Variants in GABRD observed in about 807,000 individuals in gnomAD.
GABRD encodes the protein gamma-aminobutyric acid type A receptor subunit delta.
GABRD carries 25 observed loss-of-function variants against 47.3 expected under a neutral mutation model. The ratio of observed to expected loss-of-function variants is 0.53; its 90% confidence interval spans 0.39 to 0.74. The LOEUF is 0.74. Ranked by LOEUF, GABRD falls within the 30% of genes least tolerant of loss-of-function variation. The pLI is 0.00. For synonymous variants in GABRD, 314 were observed against 278.8 expected (o/e 1.13, Z -1.26); for missense variants, 497 against 643.4 (o/e 0.77, Z 2.46).
rs139832451 is a variant in GABRD, at chr1:2,030,099, G to T, written c.1176G>T (p.Arg392Ser). 12 of 1,595,964 alleles carry T rather than the reference G, an allele frequency of 7.5e-6. No homozygotes were observed. Among genetic ancestry groups the T allele is most frequent in the Non-Finnish European group, 9.4e-6 (11 of 1,171,226 alleles). Reference protein sequence around the residue: ...RVPGNLMGSYRSVGVETGETK... With the variant: ...RVPGNLMGSYSSVGVETGETK... ...CGGGGAACCTGATGGGCTCCTACAG[G>T]TCGGTGGGGGTGGAGACAGGGGAGA... is the stretch of plus-strand genomic sequence containing the variant. The change falls in exon 9 of 9, where the codon AGG becomes AGT. Residue 392 changes from arginine (R) to serine (S), a missense_variant. Around this residue, in one of 3 missense-constraint regions of GABRD, gnomAD observed 121 missense variants for 121.3 expected, o/e 1.00. Coordinates refer to ENST00000378585, the MANE Select transcript of GABRD (RefSeq NM_000815.5).
At chr1:2,022,362 C>A (rs570129948) in intron 1 of GABRD, 2 of 151,492 alleles carry the variant, frequency 1.3e-5, no homozygotes, top group African/African-American at 2.4e-5. Context: ...CATCTGTTCA[C>A]GGTGGGAAAA....
Position 2,030,009 on chromosome 1 carries a change from C to T in GABRD, c.1086C>T (p.Leu362=). ...AEMDVRNAIV[L]FSLSAAGVTQ... is the part of the protein sequence containing the mutation. ...TGGACGTGAGGAACGCCATTGTCCT[C>T]TTCTCCCTCTCTGCTGCCGGCGTCA... is the stretch of plus-strand genomic sequence containing the variant. The change falls in exon 9 of 9, where the codon CTC becomes CTT. Residue 362 remains leucine, a synonymous_variant. Coordinates refer to ENST00000378585, the MANE Select transcript of GABRD (RefSeq NM_000815.5). The T allele has an allele frequency of 6.2e-7, 1 of 1,612,752 alleles. No homozygotes were observed. Among genetic ancestry groups the T allele is most frequent in the Non-Finnish European group, 8.5e-7 (1 of 1,179,904 alleles).
Position 2,028,259 on chromosome 1 carries a change from C to A in GABRD, c.658C>A (p.Arg220Ser). The stretch of plus-strand genomic sequence containing the variant: ...GGCGCAGTTCACCATCACCAGCTAC[C>A]GCTTCACCACGGAGCTGATGAACTT... ...QLAQFTITSY[R>S]FTTELMNFKS... Residue 220 changes from arginine to serine, a missense_variant, in exon 6 of 9, where the codon CGC becomes AGC. Around this residue, in one of 3 missense-constraint regions of GABRD, gnomAD observed 285 missense variants for 436.6 expected, o/e 0.65. Transcript: ENST00000378585. This position sits in a 1 kb window ranked among gnomAD's most constrained non-coding sequence, Gnocchi z 6.4. 6.2e-7 allele frequency: 1 copy of A among 1,612,086 alleles called. No homozygotes were observed. The highest frequency in any genetic ancestry group is 1.3e-5 in the African/African-American group (1 of 74,998).
chr1:2,029,910 A>G (rs1659036438), intron 8 of GABRD, 73 bp from the exon 9 acceptor site: 2 of 1,578,596 alleles, frequency 1.3e-6, no homozygotes, highest in South Asian at 2.2e-5. Flanking sequence ...CCGCATGGGA[A>G]CACCTGTGGT....
At chr1:2,027,317 C>T (rs550914931) in intron 4 of GABRD, 30 of 527,262 alleles carry the variant, frequency 5.7e-5, no homozygotes, top group East Asian at 2.4e-4. Flanking sequence ...TCCCCTGCCC[C>T]GTAGGCCCCC....
At chr1:2,025,166 C>T (rs943869590) in intron 2 of GABRD, 112 bp downstream of exon 2, 13 of 1,267,002 alleles carry the variant, frequency 1.0e-5, no homozygotes, top group African/African-American at 5.9e-5. Context: ...GCCTGGCTCT[C>T]CCCTGGGGGG....
intron 4 of GABRD, chr1:2,026,422 C>T (rs1658930807): frequency 6.6e-6 from 1 of 152,368 alleles, no homozygotes; most frequent in African/African-American, 2.4e-5. Context: ...GCTTGGGTGG[C>T]TTCCGGCGTT....
chr1:2,029,082 G>A (rs1449453698), intron 6 of GABRD, 29 bp from the exon 7 acceptor site: 1 of 1,537,826 alleles, frequency 6.5e-7, no homozygotes, highest in South Asian at 1.2e-5. Context: ...GGGCAGGGAT[G>A]GGGGCACTGA....
At chr1:2,025,474 G>A in intron 3 of GABRD, 44 bp from the exon 4 acceptor site, 1 of 1,611,460 alleles carries the variant, frequency 6.2e-7, no homozygotes, top group Non-Finnish European at 8.5e-7. Flanking sequence ...ATGCCCCTGG[G>A]GGTGGAGCAA....
At chr1:2,027,774 C>A (rs941561574) in intron 5 of GABRD, 115 bp downstream of exon 5, 11 of 934,648 alleles carry the variant, frequency 1.2e-5, no homozygotes, top group Non-Finnish European at 1.5e-5. Flanking sequence ...AAGCACCAAA[C>A]CAGCTTCTGC....
intron 5 of GABRD, chr1:2,027,951 C>A: frequency 1.6e-6 from 1 of 622,532 alleles, no homozygotes; most frequent in Non-Finnish European, 2.8e-6. Context: ...CAACGGTGAC[C>A]CCATCTGTGT....
In GABRD at chr1:2,029,222, CCTT is replaced by C. The variant is rs1478441921; in HGVS notation, c.806_808del (p.Phe269del). 3.8e-6 allele frequency: 6 copies of C among 1,574,096 alleles called. No individual in the cohort carries two copies. Among genetic ancestry groups the C allele is most frequent in the South Asian group, 3.5e-5 (3 of 86,120 alleles). ...CTGCTGGTCGCCATGTCCTGGGTCTCCTTCTGGATCAGCCAGGCGGCGGTGCCC... is the reference window on the plus strand; with the variant it reads ...CTGCTGGTCGCCATGTCCTGGGTCTCCTGGATCAGCCAGGCGGCGGTGCCC... On this transcript the variant is annotated inframe_deletion, in exon 7 of 9. Transcript: ENST00000378585.
At position 2,028,704 on chromosome 1, in the gene GABRD, C is replaced by G. The variant is rs966442098; in HGVS notation, c.692-407C>G. ...TTGTCTCCCAGCCCCACTTTCCCACCCCTACGCACCCCGTCCCCGGTCATC... is the reference window on the plus strand; with the variant it reads ...TTGTCTCCCAGCCCCACTTTCCCACGCCTACGCACCCCGTCCCCGGTCATC... On this transcript the variant is annotated intron_variant, in intron 6 of 8. Coordinates refer to ENST00000378585, the MANE Select transcript of GABRD (RefSeq NM_000815.5). This position sits in a 1 kb window ranked among gnomAD's most constrained non-coding sequence, Gnocchi z 6.4. 6.6e-6 allele frequency among the ~76,000 whole-genome samples: 1 copy of G among 152,054 alleles called. No individual in the cohort carries two copies. Among genetic ancestry groups the G allele is most frequent in the African/African-American group, 2.4e-5 (1 of 41,328 alleles).
intron 1 of GABRD, among the ~76,000 whole-genome samples, chr1:2,019,967 C>T (rs1411744080): frequency 1.3e-5 from 2 of 152,190 alleles, no homozygotes; most frequent in East Asian, 1.9e-4. Context: ...CTGGGACGGA[C>T]GGAGGAGGCT....
rs996908287 is a variant in GABRD at position 2,027,572 on chromosome 1, G to T, written c.471-5G>T. On this transcript the variant is annotated splice_region_variant and splice_polypyrimidine_tract_variant and intron_variant, in intron 4 of 8. Coordinates refer to ENST00000378585, the MANE Select transcript of GABRD (RefSeq NM_000815.5). ...AAGGCCTCACTGCCATGCTTGTCTTGGCAGAATCACCTCCACTGTGGCCTG... is the reference window on the plus strand; with the variant it reads ...AAGGCCTCACTGCCATGCTTGTCTTTGCAGAATCACCTCCACTGTGGCCTG... The T allele has an allele frequency of 1.2e-6, 2 of 1,612,556 alleles. No individual in the cohort carries two copies. The highest frequency in any genetic ancestry group is 1.7e-6 in the Non-Finnish European group (2 of 1,179,426).
chr1:2,029,232 C>T lies in GABRD; in HGVS notation c.813C>T (p.Ile271=). The stretch of plus-strand genomic sequence containing the variant: ...CCATGTCCTGGGTCTCCTTCTGGAT[C>T]AGCCAGGCGGCGGTGCCCGCCAGGG... ...LVAMSWVSFW[I]SQAAVPARVS... is the part of the protein sequence containing the mutation. The change falls in exon 7 of 9, where the codon ATC becomes ATT. Residue 271 remains isoleucine (I), a synonymous_variant. Coordinates refer to ENST00000378585, the MANE Select transcript of GABRD (RefSeq NM_000815.5). 2 of 1,572,116 alleles carry T rather than the reference C, an allele frequency of 1.3e-6. No individual in the cohort carries two copies. The highest frequency in any genetic ancestry group is 1.7e-6 in the Non-Finnish European group (2 of 1,160,206).
intron 1 of GABRD, chr1:2,023,676 C>T (rs891341891): frequency 1.3e-5 from 2 of 152,152 alleles, no homozygotes; most frequent in Non-Finnish European, 2.9e-5. Context: ...GGGCCAGGCT[C>T]GGGCCTGGCG....
Position 2,028,422 on chromosome 1 carries a change from G to GT in GABRD, c.691+130_691+131insT. On this transcript the variant is annotated intron_variant, in intron 6 of 8. Transcript: ENST00000378585. The surrounding 1 kb of genome is among the most constrained non-coding windows in gnomAD (Gnocchi z 6.4). ...TGTGGTTTTCATGCTTTTTAGTCAA[G>GT]CGCCCGCAGGCCCCCAGGGCCTCTG... 1 of 1,000,056 alleles carries GT rather than the reference G, an allele frequency of 1.0e-6. No individual in the cohort carries two copies. The highest frequency in any genetic ancestry group is 2.6e-5 in the South Asian group (1 of 38,944). The allele number at this position is 1,000,056 out of a possible 1,614,324, so 61.9% of individuals were successfully genotyped here. A position where few individuals can be genotyped will look rare whatever the true frequency, so the allele number is the denominator to read the frequency against.
chr1:2,026,812 G>GC (rs1482893509), intron 4 of GABRD: 1 of 150,956 alleles, frequency 6.6e-6, no homozygotes, highest in African/African-American at 2.5e-5. Flanking sequence ...TCCAGCCTGG[G>GC]GACTGAGCGA....
Sources: allele counts gnomAD v4.1 joint callset (sites outside exome capture counted in the v4.1 genomes callset), GRCh38; gene constraint gnomAD v4.1.1; regional missense constraint gnomAD v4.1.1; non-coding constraint Gnocchi (gnomAD v3.1); transcripts MANE v1.5; gene names NCBI Gene and HGNC (gene_info 2026-07-23, HGNC 2026-07-21).